The following XRN1 variants were observed in gnomAD, a reference collection of about 807,000 sequenced individuals.
XRN1 encodes the protein 5'-3' exoribonuclease 1, also known as strand-exchange protein 1 homolog.
Under a neutral mutation model 222.3 loss-of-function variants are expected in XRN1, and 67 were observed. That is an observed-to-expected ratio of 0.30 (90% confidence interval 0.25 to 0.37). The LOEUF (loss-of-function observed/expected upper bound fraction) is 0.37. Ranked by LOEUF, XRN1 falls within the 10% of genes least tolerant of loss-of-function variation. XRN1 has a pLI of 1.00. For synonymous variants in XRN1, 643 were observed against 652.4 expected (o/e 0.99, Z 0.22); for missense variants, 1,707 against 2,000.2 (o/e 0.85, Z 2.80).
intron 29 of XRN1, among the ~76,000 whole-genome samples, chr3:142,361,263 G>T (rs930430185): frequency 6.6e-6 from 1 of 152,146 alleles, no homozygotes; most frequent in Non-Finnish European, 1.5e-5. Flanking sequence ...ATGTATCCAA[G>T]AATTTGTTTA....
chr3:142,404,720 A>G (rs1171862370), intron 16 of XRN1, among the ~76,000 whole-genome samples, 187 bp downstream of exon 16: 1 of 152,240 alleles, frequency 6.6e-6, no homozygotes, highest in Non-Finnish European at 1.5e-5. Context: ...AATTATAGAC[A>G]CAAGTGTGAA....
chr3:142,328,547 G>A (rs945021559), intron 37 of XRN1, among the ~76,000 whole-genome samples: 2 of 150,484 alleles, frequency 1.3e-5, no homozygotes, highest in African/African-American at 4.9e-5. Context: ...TTGTTTTGTG[G>A]CTTAACATTT....
intron 34 of XRN1, among the ~76,000 whole-genome samples, chr3:142,334,387 T>A (rs7620708): frequency 1.3e-5 from 2 of 151,914 alleles, no homozygotes; most frequent in African/African-American, 4.8e-5. Flanking sequence ...TTTAAAAAAA[T>A]ATATATTAAA....
Position 142,426,726 on chromosome 3 carries a change from G to A in XRN1, c.406+18C>T, listed in dbSNP as rs532014286. Reference sequence around the variant, plus strand: ...TTATATTTCAATTCTGTCATAATTTGTCTCTCAGTGAATTTACCTGGTGTG... The same window carrying A: ...TTATATTTCAATTCTGTCATAATTTATCTCTCAGTGAATTTACCTGGTGTG... On this transcript the variant is annotated intron_variant, in intron 3 of 40. Coordinates refer to ENST00000392981, the MANE Select transcript of XRN1 (RefSeq NM_001282857.2). The A allele has an allele frequency of 1.3e-6, 2 of 1,586,702 alleles. No homozygotes were observed. The highest frequency in any genetic ancestry group is 1.8e-5 in the Admixed American group (1 of 56,652).
At chr3:142,424,260 A>G (rs890792445) in intron 5 of XRN1, among the ~76,000 whole-genome samples, 5 of 152,012 alleles carry the variant, frequency 3.3e-5, no homozygotes, top group African/African-American at 1.2e-4. Flanking sequence ...ATGCCTGGCT[A>G]ATTTTTGTAT....
intron 2 of XRN1, 130 bp from the exon 3 acceptor site, chr3:142,426,971 G>C (rs1420135593): frequency 9.3e-6 from 6 of 641,910 alleles, no homozygotes; most frequent in Non-Finnish European, 1.6e-5. Flanking sequence ...AAACATACAA[G>C]TTTTGAAATG....
chr3:142,359,842 T>C lies in XRN1; in HGVS notation c.3464+20A>G. The C allele has an allele frequency of 6.5e-7, 1 of 1,544,328 alleles. No homozygotes were observed. Among genetic ancestry groups the C allele is most frequent in the Non-Finnish European group, 8.9e-7 (1 of 1,129,942 alleles). ...CATGAACATATTCACAAAGGGCAAT[T>C]ATCATTGGGAAATACAAACCTTATT... On this transcript the variant is annotated intron_variant, in intron 30 of 40. Transcript: ENST00000392981.
At chr3:142,411,510 C>A (rs1208481065) in intron 15 of XRN1, among the ~76,000 whole-genome samples, 1 of 151,988 alleles carries the variant, frequency 6.6e-6, no homozygotes, top group Non-Finnish European at 1.5e-5. Flanking sequence ...TCATACTGAC[C>A]ATGGATCCCT....
intron 23 of XRN1, among the ~76,000 whole-genome samples, chr3:142,377,062 TAA>T (rs935585485): frequency 8.5e-5 from 13 of 152,090 alleles, no homozygotes; most frequent in African/African-American, 2.7e-4. Flanking sequence ...TGAGAAAAAC[TAA>T]AAGTGTCCTT....
intron 15 of XRN1, among the ~76,000 whole-genome samples, chr3:142,409,328 ATT>A (rs1423773836): frequency 3.3e-5 from 5 of 152,172 alleles, no homozygotes; most frequent in Non-Finnish European, 7.3e-5. Context: ...TCTATGACAT[ATT>A]TTGAATTAAG....
chr3:142,360,624 G>A (rs1289105823), intron 29 of XRN1, among the ~76,000 whole-genome samples: 2 of 152,018 alleles, frequency 1.3e-5, no homozygotes, highest in South Asian at 2.1e-4. Flanking sequence ...CAGCACTTTG[G>A]GAGGCCGAGG....
intron 23 of XRN1, among the ~76,000 whole-genome samples, chr3:142,377,197 G>A (rs2067169715): frequency 6.8e-6 from 1 of 148,100 alleles, no homozygotes. Context: ...ATATACTTAA[G>A]GGAAGAAAAC....
At chr3:142,440,783 C>T (rs1306937727) in intron 1 of XRN1, among the ~76,000 whole-genome samples, 1 of 152,160 alleles carries the variant, frequency 6.6e-6, no homozygotes, top group Non-Finnish European at 1.5e-5. Context: ...CAGTCCTGGA[C>T]CTTAAGGATG....
intron 19 of XRN1, among the ~76,000 whole-genome samples, chr3:142,399,567 T>A (rs2068050821): frequency 6.6e-6 from 1 of 151,702 alleles, no homozygotes; most frequent in African/African-American, 2.4e-5. Context: ...ACCAAAAGCA[T>A]AAAAAAATTA....
intron 35 of XRN1, 51 bp downstream of exon 35, chr3:142,332,916 G>A (rs750935897): frequency 6.2e-7 from 1 of 1,602,126 alleles, no homozygotes; most frequent in South Asian, 1.1e-5. Context: ...TGTCTGCATG[G>A]TCAACAGTCG....
chr3:142,433,612 A>G (rs959184321), intron 1 of XRN1, among the ~76,000 whole-genome samples: 3 of 152,202 alleles, frequency 2.0e-5, no homozygotes, highest in African/African-American at 7.2e-5. Flanking sequence ...ACTAAAAATA[A>G]AAAAAGTAAA....
intron 22 of XRN1, among the ~76,000 whole-genome samples, chr3:142,382,694 T>C (rs2067344729): frequency 6.6e-6 from 1 of 152,174 alleles, no homozygotes; most frequent in African/African-American, 2.4e-5. Context: ...ATCTGGGTGG[T>C]ACATGTGCTC....
chr3:142,408,603 T>C (rs562500330), intron 15 of XRN1, among the ~76,000 whole-genome samples: 2 of 152,346 alleles, frequency 1.3e-5, no homozygotes, highest in South Asian at 2.1e-4. Context: ...AATTTACTTA[T>C]CTATTGTCCT....
At chr3:142,382,959 G>A (rs991904019) in intron 22 of XRN1, among the ~76,000 whole-genome samples, 1 of 151,616 alleles carries the variant, frequency 6.6e-6, no homozygotes, top group Non-Finnish European at 1.5e-5. Flanking sequence ...AAATATGAAC[G>A]CATTTACAAA....
Sources: allele counts gnomAD v4.1 joint callset (sites outside exome capture counted in the v4.1 genomes callset), GRCh38; gene constraint gnomAD v4.1.1; transcripts MANE v1.5; gene names NCBI Gene and HGNC (gene_info 2026-07-23, HGNC 2026-07-21).